VEGFC: variants seen among roughly 807,000 people sequenced by gnomAD.
VEGFC encodes the protein vascular endothelial growth factor C.
Under a neutral mutation model 46.1 loss-of-function variants are expected in VEGFC, and 12 were observed. That is an observed-to-expected ratio of 0.26 (90% CI 0.17 to 0.42). The LOEUF (loss-of-function observed/expected upper bound fraction) is 0.42, where lower values mean the gene tolerates loss of function less well. Ranked by LOEUF, VEGFC falls within the 10% of genes least tolerant of loss-of-function variation. The probability of loss-of-function intolerance (pLI) is 1.00; values close to 1 mark genes in which losing one functional copy is unlikely to be tolerated. For missense variants in VEGFC, 488 were observed against 529.4 expected (o/e 0.92, Z 0.77); for synonymous variants, 232 against 195.5 (o/e 1.19, Z -1.56).
At chr4:176,782,483 T>TAAA (rs1560966195) in intron 1 of VEGFC, among the ~76,000 whole-genome samples, 13 of 137,404 alleles carry the variant, frequency 9.5e-5, no homozygotes, top group African/African-American at 3.9e-4. Flanking sequence ...AAAAAAAAAT[T>TAAA]TTTAAATAAA....
rs767788437 is a variant in VEGFC at position 176,727,826 on chromosome 4, A to G, written c.504T>C (p.Ser168=). 65 of 1,613,768 alleles carry G rather than the reference A, an allele frequency of 4.0e-5. No homozygotes were observed. The highest frequency in any genetic ancestry group is 5.3e-5 in the Non-Finnish European group (63 of 1,179,846). ...TGGTGTTCATGCACTGCAGCCCCTC[A>G]CTATTGCAGCAACCCCCACATCTGT... ...SVYRCGGCCN[S]EGLQCMNTST... Residue 168 remains serine (S), a synonymous_variant, in exon 3 of 7, where the codon AGT becomes AGC. Coordinates refer to ENST00000618562, the MANE Select transcript of VEGFC (RefSeq NM_005429.5).
intron 1 of VEGFC, among the ~76,000 whole-genome samples, chr4:176,790,558 A>T (rs1030146434): frequency 9.2e-5 from 14 of 152,118 alleles, no homozygotes; most frequent in Admixed American, 3.9e-4. Flanking sequence ...CACTCAAGGT[A>T]CATTAATTCT....
intron 1 of VEGFC, among the ~76,000 whole-genome samples, chr4:176,735,433 C>T (rs1735038145): frequency 6.6e-6 from 1 of 151,716 alleles, no homozygotes; most frequent in Admixed American, 6.6e-5. Flanking sequence ...GGTCTTTGAA[C>T]CGATAAGTTT....
At chr4:176,751,989 T>C (rs1396518359) in intron 1 of VEGFC, among the ~76,000 whole-genome samples, 1 of 151,952 alleles carries the variant, frequency 6.6e-6, no homozygotes, top group Non-Finnish European at 1.5e-5. Flanking sequence ...AATAAATGGA[T>C]AAATTTCATA....
intron 3 of VEGFC, among the ~76,000 whole-genome samples, chr4:176,721,660 G>A (rs1027241401): frequency 6.6e-5 from 10 of 152,286 alleles, no homozygotes; most frequent in African/African-American, 1.9e-4. Flanking sequence ...TGGCTTGACC[G>A]ACTGGCTGAA....
At chr4:176,782,630 C>G (rs577186123) in intron 1 of VEGFC, among the ~76,000 whole-genome samples, 1 of 151,938 alleles carries the variant, frequency 6.6e-6, no homozygotes, top group Non-Finnish European at 1.5e-5. Flanking sequence ...TTATTATATG[C>G]TTACATACAA....
chr4:176,701,746 C>T (rs747068169), intron 4 of VEGFC, among the ~76,000 whole-genome samples: 3 of 151,828 alleles, frequency 2.0e-5, no homozygotes, highest in Admixed American at 6.6e-5. Flanking sequence ...CAAAAATAAC[C>T]GTATATGGAC....
At chr4:176,707,299 T>C (rs1348476816) in intron 4 of VEGFC, among the ~76,000 whole-genome samples, 2 of 152,238 alleles carry the variant, frequency 1.3e-5, no homozygotes, top group Non-Finnish European at 2.9e-5. Flanking sequence ...ATAGGAGTTT[T>C]GGTTGCACCA....
chr4:176,760,502 T>C (rs577999430), intron 1 of VEGFC, among the ~76,000 whole-genome samples: 1 of 152,258 alleles, frequency 6.6e-6, no homozygotes, highest in African/African-American at 2.4e-5. Flanking sequence ...GTCTATATAT[T>C]CTTAATAAAT....
intron 4 of VEGFC, among the ~76,000 whole-genome samples, chr4:176,710,167 A>G (rs1479837265): frequency 6.6e-6 from 1 of 152,190 alleles, no homozygotes; most frequent in Non-Finnish European, 1.5e-5. Flanking sequence ...AAAATATTAT[A>G]AGTCAAAAAT....
At chr4:176,693,725 G>C (rs1460697310) in intron 4 of VEGFC, among the ~76,000 whole-genome samples, 6 of 138,334 alleles carry the variant, frequency 4.3e-5, no homozygotes, top group Admixed American at 3.5e-4. Flanking sequence ...GGCAGCCAGA[G>C]AGAAAGGTCT....
intron 1 of VEGFC, among the ~76,000 whole-genome samples, chr4:176,773,098 G>A (rs1735749853): frequency 6.6e-6 from 1 of 152,160 alleles, no homozygotes; most frequent in African/African-American, 2.4e-5. Context: ...AATCTACTGG[G>A]GATTTCAGAG....
chr4:176,740,782 A>G (rs1735158309), intron 1 of VEGFC, among the ~76,000 whole-genome samples: 1 of 151,718 alleles, frequency 6.6e-6, no homozygotes, highest in Admixed American at 6.6e-5. Flanking sequence ...AAAGACAAAA[A>G]TCACATTTGT....
At chr4:176,691,918 G>C (rs1325528124) in intron 4 of VEGFC, among the ~76,000 whole-genome samples, 33 of 150,674 alleles carry the variant, frequency 2.2e-4, no homozygotes, top group South Asian at 4.2e-4. Context: ...GTGCCAGACA[G>C]TGGGCGCAGG....
chr4:176,766,310 G>T (rs1483479408), intron 1 of VEGFC, among the ~76,000 whole-genome samples: 2 of 152,132 alleles, frequency 1.3e-5, no homozygotes, highest in African/African-American at 4.8e-5. Context: ...ATGAAGCTGT[G>T]CATGGTGGCT....
At position 176,720,958 on chromosome 4, in the gene VEGFC, A is replaced by C. The variant is rs559720820; in HGVS notation, c.552+6820T>G. On this transcript the variant is annotated intron_variant, in intron 3 of 6. Transcript: ENST00000618562. ...GGATGCTGTGGAAGCACATAACAGA[A>C]TGTCCTGGAAGTCACATTTATGTTT... Among the ~76,000 whole-genome samples, 499 of 151,678 alleles carry C rather than the reference A, an allele frequency of 3.3e-3. 5 individuals carry two copies. Among genetic ancestry groups the C allele is most frequent in the Admixed American group, 7.8e-3 (119 of 15,192 alleles).
chr4:176,747,489 T>C (rs976240874), intron 1 of VEGFC, among the ~76,000 whole-genome samples: 7 of 152,032 alleles, frequency 4.6e-5, no homozygotes, highest in Non-Finnish European at 1.0e-4. Context: ...AAGTGCACCA[T>C]GTAAATAACA....
At chr4:176,711,680 A>C (rs751758352) in intron 3 of VEGFC, 30 bp from the exon 4 acceptor site, 7 of 1,609,428 alleles carry the variant, frequency 4.3e-6, no homozygotes, top group Non-Finnish European at 5.9e-6. Flanking sequence ...AGAAGAAAAA[A>C]TTATATAGAT....
intron 1 of VEGFC, among the ~76,000 whole-genome samples, chr4:176,745,383 GGA>G (rs1443538916): frequency 6.6e-6 from 1 of 151,732 alleles, no homozygotes; most frequent in Admixed American, 6.6e-5. Flanking sequence ...TTAGATCTCG[GGA>G]ACACTCATTC....
Sources: allele counts gnomAD v4.1 joint callset (sites outside exome capture counted in the v4.1 genomes callset), GRCh38; gene constraint gnomAD v4.1.1; transcripts MANE v1.5; gene names NCBI Gene and HGNC (gene_info 2026-07-23, HGNC 2026-07-21).